TMPRSS6: variants seen among roughly 807,000 people sequenced by gnomAD.
TMPRSS6 encodes transmembrane protease serine 6.
TMPRSS6 carries 67 observed loss-of-function variants against 101.5 expected under a neutral mutation model. The ratio of observed to expected loss-of-function variants is 0.66; its 90% CI spans 0.54 to 0.81. TMPRSS6 has a LOEUF of 0.81. Among genes scored for constraint, TMPRSS6 ranks in the 30% least tolerant of loss-of-function variants. The pLI, the probability that TMPRSS6 is intolerant of heterozygous loss-of-function variation, is 0.00. For missense variants in TMPRSS6, 1,034 were observed against 1,088.7 expected, an observed-to-expected ratio of 0.95 and a Z score of 0.71; for synonymous variants, 453 against 464.9, an observed-to-expected ratio of 0.97 and a Z score of 0.33.
intron 5 of TMPRSS6, 90 bp from the exon 6 acceptor site, chr22:37,095,682 C>A (rs1308560171): frequency 1.4e-6 from 2 of 1,395,950 alleles, no homozygotes; most frequent in African/African-American, 1.5e-5. Context: ...TAGAGGAGAC[C>A]CTTGGAGCCA....
At position 37,095,686 on chromosome 22, in the gene TMPRSS6, G is replaced by A; in HGVS notation, c.590-94C>T. On this transcript the variant is annotated intron_variant, in intron 5 of 17. Transcript: ENST00000676104. The stretch of plus-strand genomic sequence containing the variant: ...GAAAATAAAATTAGAGGAGACCCTT[G>A]GAGCCAGCCTTGTCTGAGATTTACC... 3.6e-6 allele frequency: 5 copies of A among 1,381,750 alleles called. No homozygotes were observed. In the Admixed American group the frequency reaches 9.2e-5, roughly 25 times the overall value. The allele number at this position is 1,381,750 out of a possible 1,614,324, so 85.6% of individuals were successfully genotyped here. A position where few individuals can be genotyped will look rare whatever the true frequency, so the allele number is the denominator to read the frequency against.
rs1930539437 is a variant in TMPRSS6, at chr22:37,103,792, T to C, written c.-1-374A>G. ...TGGGGTGCAGACTTCTGTAGACATCTGACCTCTTGCCCTCATTTCCCGTCC... is the reference window on the plus strand; with the variant it reads ...TGGGGTGCAGACTTCTGTAGACATCCGACCTCTTGCCCTCATTTCCCGTCC... On this transcript the variant is annotated intron_variant, in intron 1 of 17. Coordinates refer to ENST00000676104, the MANE Select transcript of TMPRSS6 (RefSeq NM_001374504.1). This position sits in a 1 kb window ranked among gnomAD's most constrained non-coding sequence, Gnocchi z 4.4. 3.3e-6 allele frequency: 2 copies of C among 599,336 alleles called. No homozygotes were observed. The highest frequency in any genetic ancestry group is 2.8e-5 in the Admixed American group (1 of 35,662). 37.1% of individuals were successfully genotyped at this position (599,336 alleles called of 1,614,324 possible).
intron 1 of TMPRSS6, among the ~76,000 whole-genome samples, chr22:37,108,385 C>G (rs1197947376): frequency 6.6e-6 from 1 of 152,216 alleles, no homozygotes; most frequent in African/African-American, 2.4e-5. Flanking sequence ...GTGCAGCTTA[C>G]CTGTGGGCAC....
At position 37,103,770 on chromosome 22, in the gene TMPRSS6, G is replaced by A. The variant is rs1601578746; in HGVS notation, c.-1-352C>T. 1 of 629,884 alleles carries A rather than the reference G, an allele frequency of 1.6e-6. No homozygotes were observed. The highest frequency in any genetic ancestry group is 2.8e-6 in the Non-Finnish European group (1 of 352,210). The allele number at this position is 629,884 out of a possible 1,614,324, so 39.0% of individuals were successfully genotyped here. ...CCACAGACAGAACTGAAGTACATGG[G>A]GTGCAGACTTCTGTAGACATCTGAC... On this transcript the variant is annotated intron_variant, in intron 1 of 17. Transcript: ENST00000676104. This position sits in a 1 kb window ranked among gnomAD's most constrained non-coding sequence, Gnocchi z 4.4.
intron 10 of TMPRSS6, among the ~76,000 whole-genome samples, chr22:37,078,993 G>GAAAGAAAGAAAGAAAGAA (rs1928025378): frequency 6.6e-6 from 1 of 150,820 alleles, no homozygotes; most frequent in South Asian, 2.1e-4. Context: ...AAGAAAGAAA[G>GAAAGAAAGAAAGAAAGAA]AAAGAAAGAA....
chr22:37,110,409 G>A (rs995487202), upstream of TMPRSS6, among the ~76,000 whole-genome samples: 4 of 151,714 alleles, frequency 2.6e-5, no homozygotes, highest in Admixed American at 1.3e-4. Context: ...CTCCCAAAAC[G>A]CTAGGATTAC....
chr22:37,066,257 A>G lies in TMPRSS6; in HGVS notation c.2251-19T>C. 6.2e-7 allele frequency: 1 copy of G among 1,600,662 alleles called. No homozygotes were observed. The highest frequency in any genetic ancestry group is 8.5e-7 in the Non-Finnish European group (1 of 1,172,920). On this transcript the variant is annotated intron_variant, in intron 17 of 17. Transcript: ENST00000676104. ...AGTCACCCTGAAAGGGGGAAAGGAG[A>G]AAGGACTGAAGCAGGGTAAGGGCAC...
chr22:37,105,073 T>C (rs1441605376), intron 1 of TMPRSS6, among the ~76,000 whole-genome samples: 1 of 152,168 alleles, frequency 6.6e-6, no homozygotes, highest in East Asian at 1.9e-4. Flanking sequence ...CGGGGCTCTT[T>C]AGTAATGCTC....
At chr22:37,066,570 A>C (rs1926311049) in intron 17 of TMPRSS6, among the ~76,000 whole-genome samples, 1 of 152,206 alleles carries the variant, frequency 6.6e-6, no homozygotes, top group South Asian at 2.1e-4. Context: ...TGTGGTGGGC[A>C]AGGAGCAGAA....
intron 1 of TMPRSS6, among the ~76,000 whole-genome samples, chr22:37,105,427 C>G (rs1313760394): frequency 4.6e-5 from 7 of 152,224 alleles, no homozygotes. Context: ...TAGTGAGAAA[C>G]AGGCAAGAAA....
At chr22:37,080,959 C>T (rs1282598204) in intron 10 of TMPRSS6, among the ~76,000 whole-genome samples, 3 of 152,272 alleles carry the variant, frequency 2.0e-5, no homozygotes, top group Admixed American at 2.0e-4. Flanking sequence ...TGGATGTACG[C>T]ACGCACACAG....
At chr22:37,105,488 T>G (rs1476009331) in intron 1 of TMPRSS6, among the ~76,000 whole-genome samples, 1 of 152,194 alleles carries the variant, frequency 6.6e-6, no homozygotes, top group Admixed American at 6.5e-5. Context: ...CATGGCAGGT[T>G]TGAGTCCCCA....
rs753603545 is a variant in TMPRSS6, at chr22:37,098,503, C to T, written c.249G>A (p.Leu83=). 11 of 1,614,142 alleles carry T rather than the reference C, an allele frequency of 6.8e-6. No homozygotes were observed. Among genetic ancestry groups the T allele is most frequent in the Non-Finnish European group, 8.5e-6 (10 of 1,180,008 alleles). The change falls in exon 3 of 18, where the codon CTG becomes CTA. Residue 83 remains leucine (L), a synonymous_variant. Coordinates refer to ENST00000676104, the MANE Select transcript of TMPRSS6 (RefSeq NM_001374504.1). ...VMVSQVYSGS[L]RVLNRHFSQD... is the part of the protein sequence containing the mutation. Reference sequence around the variant, plus strand: ...GGGAGAAGTGGCGATTGAGTACACGCAGACTGCCTGAGTACACCTGGCTGA... The same window carrying T: ...GGGAGAAGTGGCGATTGAGTACACGTAGACTGCCTGAGTACACCTGGCTGA...
chr22:37,094,752 T>C (rs1364804702), intron 6 of TMPRSS6, among the ~76,000 whole-genome samples: 1 of 152,170 alleles, frequency 6.6e-6, no homozygotes, highest in Non-Finnish European at 1.5e-5. Context: ...ACCAGCAGGA[T>C]GGGAAGACGG....
At position 37,084,661 on chromosome 22, in the gene TMPRSS6, G is replaced by A. The variant is rs540781770; in HGVS notation, c.1086+66C>T. The A allele has an allele frequency of 1.2e-5, 17 of 1,366,676 alleles. No individual in the cohort carries two copies. In the Admixed American group the frequency reaches 2.0e-4, roughly 16 times the overall value. The allele number at this position is 1,366,676 out of a possible 1,614,324, so 84.7% of individuals were successfully genotyped here. A position where few individuals can be genotyped will look rare whatever the true frequency, so the allele number is the denominator to read the frequency against. Reference sequence around the variant, plus strand: ...GCGGGACACTGCCCCCTCTCATCCCGGGTCACCAGGGACCTGTAGTGTGCT... The same window carrying A: ...GCGGGACACTGCCCCCTCTCATCCCAGGTCACCAGGGACCTGTAGTGTGCT... On this transcript the variant is annotated intron_variant, in intron 9 of 17. Coordinates refer to ENST00000676104, the MANE Select transcript of TMPRSS6 (RefSeq NM_001374504.1).
chr22:37,103,275 A>C lies in TMPRSS6; in HGVS notation c.143T>G (p.Phe48Cys), dbSNP rs745388319. The C allele has an allele frequency of 1.2e-6, 2 of 1,614,104 alleles. No individual in the cohort carries two copies. Among genetic ancestry groups the C allele is most frequent in the South Asian group, 2.2e-5 (2 of 91,080 alleles). ...ARGYLRLVPL[F>C]VLLALLVLAS... ...CAGCACGAGCAGGGCCAGCAGCACA[A>C]ACAGGGGCACCAGGCGGAGGTAGCC... The change falls in exon 2 of 18, where the codon TTT becomes TGT. Residue 48 changes from phenylalanine (F) to cysteine (C), a missense_variant. Transcript: ENST00000676104. The surrounding 1 kb of genome is among the most constrained non-coding windows in gnomAD (Gnocchi z 4.4).
At position 37,075,185 on chromosome 22, in the gene TMPRSS6, A is replaced by G. The variant is rs554038071; in HGVS notation, c.1292T>C (p.Leu431Pro). 51 of 1,614,026 alleles carry G rather than the reference A, an allele frequency of 3.2e-5. 2 individuals carry two copies. In the South Asian group the frequency reaches 5.4e-4, roughly 17 times the overall value. Residue 431 changes from leucine (L) to proline (P), a missense_variant, in exon 11 of 18, where the codon CTC (leucine) becomes CCC (proline). Transcript: ENST00000676104. The stretch of plus-strand genomic sequence containing the variant: ...GTGCACCCGCACACCGGGCCCGGTG[A>G]GGGAGATCTGGGAGGTGAAGTTGAT... ...ITINFTSQIS[L>P]TGPGVRVHYG... is the part of the protein sequence containing the mutation.
In TMPRSS6 at chr22:37,073,395, A is replaced by ATGG. The variant is rs1569000564; in HGVS notation, c.1555+136_1555+137insCCA. On this transcript the variant is annotated intron_variant, in intron 13 of 17. Transcript: ENST00000676104. ...GGATGGATGGATGGATGGATGGATG[A>ATGG]ATGGACAGACATACAGATGTAAATA... 13 of 600,368 alleles carry ATGG rather than the reference A, an allele frequency of 2.2e-5. 1 individual carries two copies. Among genetic ancestry groups the ATGG allele is most frequent in the African/African-American group, 7.7e-5 (4 of 51,886 alleles). 37.2% of individuals were successfully genotyped at this position (600,368 alleles called of 1,614,324 possible). A position where few individuals can be genotyped will look rare whatever the true frequency, so the allele number is the denominator to read the frequency against.
At position 37,103,928 on chromosome 22, in the gene TMPRSS6, C is replaced by A. The variant is rs181226798; in HGVS notation, c.-1-510G>T. 2.2e-3 allele frequency among the ~76,000 whole-genome samples: 342 copies of A among 152,338 alleles called. 1 individual carries two copies. The highest frequency in any genetic ancestry group is 3.8e-3 in the Non-Finnish European group (257 of 68,030). ...CCCAGAATCCCCTGAGCTGGCACTG[C>A]GCTGGGCCGGGGACCTGCCTTCCTT... On this transcript the variant is annotated intron_variant, in intron 1 of 17. Coordinates refer to ENST00000676104, the MANE Select transcript of TMPRSS6 (RefSeq NM_001374504.1). The surrounding 1 kb of genome is among the most constrained non-coding windows in gnomAD (Gnocchi z 4.4).
Sources: allele counts gnomAD v4.1 joint callset (sites outside exome capture counted in the v4.1 genomes callset), GRCh38; gene constraint gnomAD v4.1.1; non-coding constraint Gnocchi (gnomAD v3.1); transcripts MANE v1.5; gene names NCBI Gene and HGNC (gene_info 2026-07-23, HGNC 2026-07-21).